Variants in ATRNL1 observed in about 807,000 individuals in gnomAD.
ATRNL1 encodes the protein attractin like 1.
A neutral mutation model predicts 182.7 loss-of-function variants in ATRNL1; 95 were observed. The observed-to-expected ratio is 0.52, with a 90% CI of 0.44 to 0.62. The LOEUF (loss-of-function observed/expected upper bound fraction) is 0.62, where lower values mean the gene tolerates loss of function less well. Among genes scored for constraint, ATRNL1 ranks in the 20% least tolerant of loss-of-function variants. The pLI, the probability that ATRNL1 is intolerant of heterozygous loss-of-function variation, is 0.00. For missense variants in ATRNL1, 1,471 were observed against 1,679.5 expected (o/e 0.88, Z 2.17); for synonymous variants, 576 against 568.3 (o/e 1.01, Z -0.19).
chr10:115,331,389 C>A lies in ATRNL1; in HGVS notation c.3038-2893C>A, dbSNP rs547438762. On this transcript the variant is annotated intron_variant, in intron 18 of 28. Coordinates refer to ENST00000355044, the MANE Select transcript of ATRNL1 (RefSeq NM_207303.4). The stretch of plus-strand genomic sequence containing the variant: ...TGCATTTTTCCTTTCATTTATTATT[C>A]TTTTTAGCTCCTGGATTACTGTTTG... Among the ~76,000 whole-genome samples the A allele has an allele frequency of 5.3e-5, 8 of 152,180 alleles. No individual in the cohort carries two copies. In the South Asian group the frequency reaches 1.7e-3, roughly 32 times the overall value.
At chr10:115,101,344 T>C (rs1162219161) in intron 1 of ATRNL1, among the ~76,000 whole-genome samples, 3 of 152,114 alleles carry the variant, frequency 2.0e-5, no homozygotes, top group Non-Finnish European at 4.4e-5. Context: ...TGTAAGTTTT[T>C]TTTTTAGATG....
intron 8 of ATRNL1, among the ~76,000 whole-genome samples, chr10:115,173,108 C>T (rs545150317): frequency 2.0e-5 from 3 of 152,016 alleles, no homozygotes; most frequent in Admixed American, 1.3e-4. Flanking sequence ...GATGAGAACA[C>T]GTTGGAGGGT....
chr10:115,495,051 C>T (rs1849477402), intron 24 of ATRNL1, among the ~76,000 whole-genome samples: 2 of 151,954 alleles, frequency 1.3e-5, no homozygotes, highest in East Asian at 1.9e-4. Flanking sequence ...ATTTCTTCCT[C>T]GTTCAATCTT....
chr10:115,482,993 T>A (rs1848841489), intron 24 of ATRNL1, among the ~76,000 whole-genome samples: 2 of 151,428 alleles, frequency 1.3e-5, no homozygotes, highest in Non-Finnish European at 3.0e-5. Context: ...GTATATATTT[T>A]ATTTGTTAAG....
chr10:115,811,624 A>G (rs1950048802), intron 27 of ATRNL1, among the ~76,000 whole-genome samples: 1 of 151,952 alleles, frequency 6.6e-6, no homozygotes, highest in Non-Finnish European at 1.5e-5. Flanking sequence ...TGCTTCATGT[A>G]TTTTGAAGCT....
intron 26 of ATRNL1, among the ~76,000 whole-genome samples, chr10:115,633,955 A>T (rs1858693831): frequency 6.6e-6 from 1 of 152,122 alleles, no homozygotes; most frequent in African/African-American, 2.4e-5. Flanking sequence ...TATCATTATT[A>T]TGTTTTATAC....
intron 28 of ATRNL1, among the ~76,000 whole-genome samples, chr10:115,856,428 C>CAAAAAAA (rs572743389): frequency 0.34 from 7,581 of 22,390 alleles, 2,956 homozygotes; most frequent in South Asian, 0.6. Context: ...AGCTCCATCT[C>CAAAAAAA]AAAAAAAAAA....
chr10:115,373,878 A>G (rs1317982745), intron 19 of ATRNL1, among the ~76,000 whole-genome samples: 2 of 151,892 alleles, frequency 1.3e-5, no homozygotes, highest in African/African-American at 4.8e-5. Flanking sequence ...AATGCTGGCC[A>G]TATAAAAATG....
At chr10:115,150,457 G>A (rs1453248578) in intron 5 of ATRNL1, among the ~76,000 whole-genome samples, 4 of 151,866 alleles carry the variant, frequency 2.6e-5, no homozygotes, top group East Asian at 1.9e-4. Flanking sequence ...CTTTTTTGAC[G>A]TGGGTACTTA....
At chr10:115,480,372 C>T (rs1393147464) in intron 24 of ATRNL1, among the ~76,000 whole-genome samples, 1 of 150,996 alleles carries the variant, frequency 6.6e-6, no homozygotes, top group African/African-American at 2.4e-5. Context: ...TGACACAGAA[C>T]ACTTTTCGTT....
chr10:115,146,356 A>G (rs1404139155), intron 5 of ATRNL1, among the ~76,000 whole-genome samples: 2 of 152,106 alleles, frequency 1.3e-5, no homozygotes, highest in Non-Finnish European at 2.9e-5. Flanking sequence ...GATACATAAT[A>G]TTTACATATT....
At chr10:115,152,098 G>T (rs868995847) in intron 5 of ATRNL1, among the ~76,000 whole-genome samples, 1 of 152,150 alleles carries the variant, frequency 6.6e-6, no homozygotes, top group Non-Finnish European at 1.5e-5. Flanking sequence ...CCTGTACCAT[G>T]CTGTTTTGGT....
At chr10:115,777,215 G>A (rs1949149029) in intron 27 of ATRNL1, among the ~76,000 whole-genome samples, 1 of 152,046 alleles carries the variant, frequency 6.6e-6, no homozygotes, top group Non-Finnish European at 1.5e-5. Flanking sequence ...TTTATGAAAT[G>A]TTGGGAAAAA....
chr10:115,352,189 TC>T (rs1554941612), intron 19 of ATRNL1, among the ~76,000 whole-genome samples: 1 of 152,016 alleles, frequency 6.6e-6, no homozygotes, highest in African/African-American at 2.4e-5. Context: ...ATTATGTTCA[TC>T]TTCTCACTTT....
chr10:115,121,790 G>A lies in ATRNL1; in HGVS notation c.469G>A (p.Ala157Thr), dbSNP rs782768109. Residue 157 changes from alanine to threonine, a missense_variant, in exon 3 of 29, where the codon GCA becomes ACA. Ala to Thr is a moderately conservative substitution (Grantham distance 58). This residue lies in a region of ATRNL1 where 1,031 missense variants were observed against 1,156.0 expected (regional missense o/e 0.89). Coordinates refer to ENST00000355044, the MANE Select transcript of ATRNL1 (RefSeq NM_207303.4). ...MYVYDGDSIY[A>T]PLIAVLSGLI... is the part of the protein sequence containing the mutation. ...TGTTTATGATGGAGATTCAATATAT[G>A]CACCTTTAATAGCTGTACTTAGGTG... The A allele has an allele frequency of 4.6e-6, 7 of 1,535,628 alleles. No homozygotes were observed. In the East Asian group the frequency reaches 9.3e-5, roughly 20 times the overall value.
chr10:115,654,419 A>C (rs1314407445), intron 26 of ATRNL1, among the ~76,000 whole-genome samples: 1 of 151,826 alleles, frequency 6.6e-6, no homozygotes, highest in African/African-American at 2.4e-5. Flanking sequence ...GGGTTTTGCC[A>C]TGTTGACCAG....
intron 26 of ATRNL1, among the ~76,000 whole-genome samples, chr10:115,638,351 T>C (rs1555029040): frequency 6.6e-6 from 1 of 152,114 alleles, no homozygotes; most frequent in African/African-American, 2.4e-5. Context: ...GACAAAATTG[T>C]CTAATGATGT....
intron 8 of ATRNL1, among the ~76,000 whole-genome samples, chr10:115,175,313 T>G (rs782094602): frequency 6.6e-6 from 1 of 152,094 alleles, no homozygotes; most frequent in South Asian, 2.1e-4. Context: ...GGGTTTATTC[T>G]GATCAACTAT....
chr10:115,895,929 G>C (rs1474497155), intron 28 of ATRNL1, among the ~76,000 whole-genome samples: 1 of 152,136 alleles, frequency 6.6e-6, no homozygotes, highest in Admixed American at 6.5e-5. Context: ...ATATGAATGT[G>C]GAAAGGATGG....
Sources: gnomAD v4.1 joint callset for allele counts (sites outside exome capture counted in the v4.1 genomes callset) on GRCh38, gnomAD v4.1.1 for gene constraint, gnomAD v4.1.1 regional missense constraint, MANE v1.5 for transcripts, NCBI Gene and HGNC (gene_info 2026-07-23, HGNC 2026-07-21) for gene names.